DCC: variants seen among roughly 807,000 people sequenced by gnomAD.
DCC encodes the protein netrin receptor DCC.
Under a neutral mutation model 172.5 loss-of-function variants are expected in DCC, and 58 were observed. The observed-to-expected ratio is 0.34, with a 90% CI of 0.27 to 0.42. DCC has a LOEUF of 0.42. Among genes scored for constraint, DCC ranks in the 10% least tolerant of loss-of-function variants. The pLI is 1.00. For missense variants in DCC, 1,740 were observed against 1,791.0 expected (o/e 0.97, Z 0.51); for synonymous variants, 709 against 644.5 (o/e 1.10, Z -1.52).
At chr18:53,132,699 G>A (rs2043676834) in intron 7 of DCC, among the ~76,000 whole-genome samples, 1 of 152,170 alleles carries the variant, frequency 6.6e-6, no homozygotes, top group Admixed American at 6.6e-5. Flanking sequence ...CTGAAAGGGT[G>A]TGCACCTGTG....
chr18:53,209,359 C>A (rs1316962347), intron 11 of DCC, among the ~76,000 whole-genome samples: 1 of 151,994 alleles, frequency 6.6e-6, no homozygotes, highest in Non-Finnish European at 1.5e-5. Context: ...AGCGATAGGC[C>A]CTTGTGAATA....
intron 1 of DCC, among the ~76,000 whole-genome samples, chr18:52,656,026 ATGTATATATGTG>A (rs2035240678): frequency 1.7e-5 from 2 of 114,378 alleles, no homozygotes; most frequent in African/African-American, 6.5e-5. Context: ...GTGTATATAT[ATGTATATATGTG>A]TGTATATATA....
chr18:52,672,679 C>T (rs1039666338), intron 1 of DCC, among the ~76,000 whole-genome samples: 1 of 149,518 alleles, frequency 6.7e-6, no homozygotes, highest in Non-Finnish European at 1.5e-5. Context: ...CCCCCCTTCC[C>T]TCCTTCCTTC....
chr18:52,903,272 C>A (rs568440273), intron 2 of DCC, among the ~76,000 whole-genome samples: 2 of 152,312 alleles, frequency 1.3e-5, no homozygotes, highest in South Asian at 2.1e-4. Flanking sequence ...GTGGCACAGT[C>A]TTAGCTCACT....
At chr18:52,434,231 G>A (rs888991363) in intron 1 of DCC, among the ~76,000 whole-genome samples, 1 of 152,164 alleles carries the variant, frequency 6.6e-6, no homozygotes, top group East Asian at 1.9e-4. Context: ...GGTGTAAAGA[G>A]AAAAATTTTG....
At chr18:52,762,294 G>A (rs1157254141) in intron 2 of DCC, among the ~76,000 whole-genome samples, 1 of 151,704 alleles carries the variant, frequency 6.6e-6, no homozygotes, top group African/African-American at 2.4e-5. Context: ...GCAACATAGT[G>A]AGACCACTGT....
At chr18:52,868,263 G>A (rs2039261468) in intron 2 of DCC, among the ~76,000 whole-genome samples, 1 of 152,052 alleles carries the variant, frequency 6.6e-6, no homozygotes, top group Admixed American at 6.6e-5. Context: ...AGCCCATGAT[G>A]TAATTTTCCA....
At chr18:52,843,305 CTT>C (rs2038836206) in intron 2 of DCC, among the ~76,000 whole-genome samples, 1 of 151,754 alleles carries the variant, frequency 6.6e-6, no homozygotes, top group African/African-American at 2.4e-5. Context: ...ATTTTTTTAC[CTT>C]TGTTACCTGC....
intron 5 of DCC, among the ~76,000 whole-genome samples, chr18:53,056,288 T>A (rs2042402655): frequency 6.6e-6 from 1 of 152,026 alleles, no homozygotes; most frequent in South Asian, 2.1e-4. Context: ...CTCACTATCA[T>A]GAGAACAGCA....
chr18:52,813,996 T>G (rs970338871), intron 2 of DCC, among the ~76,000 whole-genome samples: 5 of 152,218 alleles, frequency 3.3e-5, no homozygotes, highest in Admixed American at 1.3e-4. Context: ...GCTTGCCCAC[T>G]GCAGATCTTG....
rs1473197215 is a variant in DCC, at chr18:53,535,827, CAT to C, written c.*5177_*5178del. ...TTTTGTAAACACTGTAGAACAGTCT[CAT>C]ATTCATTTTTTTATAGAAATGTTAT... On this transcript the variant is annotated 3_prime_UTR_variant, in exon 29 of 29. Transcript: ENST00000442544. The C allele has an allele frequency of 6.6e-6, 1 of 152,114 alleles. No individual in the cohort carries two copies. The highest frequency in any genetic ancestry group is 2.4e-5 in the African/African-American group (1 of 41,420). The allele number at this position is 152,114 out of a possible 1,614,324, so 9.4% of individuals were successfully genotyped here. A position where few individuals can be genotyped will look rare whatever the true frequency, so the allele number is the denominator to read the frequency against.
intron 2 of DCC, among the ~76,000 whole-genome samples, chr18:52,899,675 T>A (rs994735448): frequency 6.6e-6 from 1 of 151,880 alleles, no homozygotes; most frequent in African/African-American, 2.4e-5. Context: ...CTTTTTTTTT[T>A]TATAGAGACA....
intron 12 of DCC, among the ~76,000 whole-genome samples, chr18:53,300,961 C>CTTTCTTTCTTTCTTTCTTTCTTT (rs1568039988): frequency 7.8e-6 from 1 of 128,032 alleles, no homozygotes; most frequent in Non-Finnish European, 1.6e-5. Context: ...GTTCTGGATT[C>CTTTCTTTCTTTCTTTCTTTCTTT]ATTCTTTCTT....
intron 25 of DCC, among the ~76,000 whole-genome samples, chr18:53,474,471 G>A (rs2045737258): frequency 6.6e-6 from 1 of 152,074 alleles, no homozygotes; most frequent in African/African-American, 2.4e-5. Flanking sequence ...CTTGTGGGAG[G>A]GTCCCAATGG....
intron 1 of DCC, among the ~76,000 whole-genome samples, chr18:52,446,466 GATCAT>G (rs1197088009): frequency 6.6e-6 from 1 of 152,074 alleles, no homozygotes; most frequent in African/African-American, 2.4e-5. Flanking sequence ...TACTTCTCTA[GATCAT>G]ATCAGATTTT....
Position 53,526,719 on chromosome 18 carries a change from T to C in DCC, c.4214T>C (p.Val1405Ala), listed in dbSNP as rs2046459919. 6.2e-7 allele frequency: 1 copy of C among 1,613,482 alleles called. No individual in the cohort carries two copies. Among genetic ancestry groups the C allele is most frequent in the Non-Finnish European group, 8.5e-7 (1 of 1,179,658 alleles). ...LPVSVPTAPE[V>A]SEESHKPTED... ...GTGTCTGTGCCAACAGCCCCTGAAG[T>C]GTCTGAGGAGAGCCACAAACCAACA... Residue 1405 changes from valine to alanine, a missense_variant, in exon 28 of 29, where the codon GTG (valine) becomes GCG (alanine). This residue lies in a region of DCC where 1,732 missense variants were observed against 1,767.4 expected (regional missense o/e 0.98). Coordinates refer to ENST00000442544, the MANE Select transcript of DCC (RefSeq NM_005215.4).
intron 9 of DCC, among the ~76,000 whole-genome samples, chr18:53,182,826 C>T (rs761004186): frequency 1.3e-5 from 2 of 152,128 alleles, no homozygotes; most frequent in South Asian, 2.1e-4. Context: ...CTTCCTCCTT[C>T]CCGCCATCCT....
At chr18:52,689,302 C>T (rs1200704917) in intron 1 of DCC, among the ~76,000 whole-genome samples, 2 of 152,190 alleles carry the variant, frequency 1.3e-5, no homozygotes, top group Non-Finnish European at 2.9e-5. Flanking sequence ...TTATTGAAAG[C>T]ATCAGGATTC....
intron 2 of DCC, among the ~76,000 whole-genome samples, chr18:52,868,925 C>G (rs1014975666): frequency 2.0e-5 from 3 of 152,192 alleles, no homozygotes; most frequent in African/African-American, 7.2e-5. Context: ...AAGGCTGCAG[C>G]TGGACCAGGT....
Sources: gnomAD v4.1 joint callset for allele counts (sites outside exome capture counted in the v4.1 genomes callset) on GRCh38, gnomAD v4.1.1 for gene constraint, gnomAD v4.1.1 regional missense constraint, MANE v1.5 for transcripts, NCBI Gene and HGNC (gene_info 2026-07-23, HGNC 2026-07-21) for gene names.